MPP1: variants seen among roughly 807,000 people sequenced by gnomAD.
MPP1 encodes the protein MAGUK p55 scaffold protein 1.
Under a neutral mutation model 38.2 loss-of-function variants are expected in MPP1, and 6 were observed. That is an observed-to-expected ratio of 0.16 (90% CI 0.09 to 0.31). MPP1 has a LOEUF of 0.31. Ranked by LOEUF, MPP1 falls within the 10% of genes least tolerant of loss-of-function variation. The probability of loss-of-function intolerance (pLI) is 1.00; values close to 1 mark genes in which losing one functional copy is unlikely to be tolerated. For synonymous variants in MPP1, 153 were observed against 146.3 expected (o/e 1.05, Z -0.33); for missense variants, 293 against 368.9 (o/e 0.79, Z 1.69).
intron 5 of MPP1, among the ~76,000 whole-genome samples, chrX:154,788,511 T>C (rs2072105660): frequency 8.9e-6 from 1 of 111,954 alleles, no homozygotes; most frequent in South Asian, 3.7e-4. Flanking sequence ...ATGCTAAGTA[T>C]TGGTGAGAAT....
Position 154,791,070 on chromosome X carries a change from TGCC to T in MPP1, c.326-5_326-3del. 8.3e-7 allele frequency: 1 copy of T among 1,203,111 alleles called. No individual in the cohort carries two copies. The highest frequency in any genetic ancestry group is 1.1e-6 in the Non-Finnish European group (1 of 889,458). Reference sequence around the variant, plus strand: ...TCTCATCCCCCACGTGAAGGGAGCCTGCCATGAAATGAAAAATCAATCCACAAA... The same window carrying T: ...TCTCATCCCCCACGTGAAGGGAGCCTATGAAATGAAAAATCAATCCACAAA... On this transcript the variant is annotated splice_polypyrimidine_tract_variant and splice_region_variant and intron_variant, in intron 3 of 11. Transcript: ENST00000369534.
At chrX:154,786,529 C>A in intron 5 of MPP1, 129 bp from the exon 6 acceptor site, 1 of 588,163 alleles carries the variant, frequency 1.7e-6, no homozygotes, top group Admixed American at 3.1e-5. Flanking sequence ...GGTGGGGGAG[C>A]ACCCAAGAAA....
At chrX:154,782,932 A>G (rs1460369676) in intron 9 of MPP1, 1 of 112,426 alleles carries the variant, frequency 8.9e-6, no homozygotes, top group Non-Finnish European at 1.9e-5. Context: ...AGAGTTATCA[A>G]ATTCTCCACC....
At chrX:154,787,997 T>C (rs781887077) in intron 5 of MPP1, among the ~76,000 whole-genome samples, 28 of 112,584 alleles carry the variant, frequency 2.5e-4, no homozygotes, top group Non-Finnish European at 3.8e-4. Context: ...TTGGTATCCA[T>C]ATGGAAAAAC....
intron 1 of MPP1, chrX:154,804,606 C>G (rs1465705092): frequency 2.0e-5 from 6 of 305,877 alleles, no homozygotes; most frequent in Non-Finnish European, 2.6e-5. Context: ...TGGGCCCAAT[C>G]AAAACGAAAT....
At chrX:154,790,891 A>T in intron 4 of MPP1, 92 bp downstream of exon 4, 1 of 768,479 alleles carries the variant, frequency 1.3e-6, no homozygotes, top group Non-Finnish European at 1.9e-6. Flanking sequence ...AGGTACAAAT[A>T]CTTTGACAGA....
chrX:154,798,207 G>T (rs1355145504), intron 1 of MPP1, among the ~76,000 whole-genome samples: 1 of 112,088 alleles, frequency 8.9e-6, no homozygotes, highest in Non-Finnish European at 1.9e-5. Flanking sequence ...ATAGAAAATA[G>T]TTGAACACTT....
chrX:154,781,546 G>T, intron 10 of MPP1, 54 bp downstream of exon 10: 1 of 1,147,440 alleles, frequency 8.7e-7, no homozygotes, highest in Non-Finnish European at 1.2e-6. Flanking sequence ...CACTGTCTTC[G>T]CCATCCCTTG....
chrX:154,797,449 C>G (rs909511993), intron 1 of MPP1, among the ~76,000 whole-genome samples: 2 of 112,027 alleles, frequency 1.8e-5, no homozygotes, highest in African/African-American at 6.5e-5. Flanking sequence ...TCAGTAAAGA[C>G]TATGTGGTAT....
chrX:154,804,801 T>C (rs1443781636), intron 1 of MPP1: 1 of 341,426 alleles, frequency 2.9e-6, no homozygotes, highest in Non-Finnish European at 5.9e-6. Context: ...GGCCACCCTC[T>C]TTGCACCATA....
intron 7 of MPP1, 92 bp downstream of exon 7, chrX:154,784,959 C>T: frequency 9.8e-6 from 8 of 813,151 alleles, no homozygotes; most frequent in Non-Finnish European, 1.5e-5. Context: ...CTGCTGCGCA[C>T]TGCACCACCT....
Position 154,805,360 on chromosome X carries a change from G to T in MPP1, c.14C>A (p.Ala5Glu). ...GCTGCCCCCACTCTCGCCCTCGCTC[G>T]CCTTGAGGGTCATCTCGCAGAAGCT... MTLK[A>E]SEGESGGSMH... The change falls in exon 1 of 12, where the codon GCG becomes GAG. Residue 5 changes from alanine to glutamate, a missense_variant. Coordinates refer to ENST00000369534, the MANE Select transcript of MPP1 (RefSeq NM_002436.4). The T allele has an allele frequency of 1.7e-6, 2 of 1,199,459 alleles. No homozygotes were observed. The highest frequency in any genetic ancestry group is 2.3e-6 in the Non-Finnish European group (2 of 888,453).
intron 7 of MPP1, chrX:154,784,658 C>T (rs1454493693): frequency 7.8e-6 from 2 of 257,901 alleles, no homozygotes; most frequent in Non-Finnish European, 1.4e-5. Context: ...GAATTCTCTG[C>T]TCAAAACCCT....
At chrX:154,796,110 T>C (rs1314622982) in intron 1 of MPP1, among the ~76,000 whole-genome samples, 1 of 105,145 alleles carries the variant, frequency 9.5e-6, no homozygotes. Flanking sequence ...TTTCTCTTTG[T>C]TTTTTTTCCT....
At chrX:154,784,828 A>G (rs1248171412) in intron 7 of MPP1, 1 of 466,776 alleles carries the variant, frequency 2.1e-6, no homozygotes, top group Non-Finnish European at 3.9e-6. Flanking sequence ...GGTGATGAGC[A>G]GGTGTGGGCT....
At chrX:154,781,840 T>G (rs781842332) in intron 9 of MPP1, 38 bp from the exon 10 acceptor site, 3 of 1,159,703 alleles carry the variant, frequency 2.6e-6, no homozygotes, top group African/African-American at 1.8e-5. Context: ...AAACTCCAGG[T>G]CCTCACCCTT....
At chrX:154,781,363 GA>G in intron 10 of MPP1, 50 bp from the exon 11 acceptor site, 1 of 973,365 alleles carries the variant, frequency 1.0e-6, no homozygotes, top group Non-Finnish European at 1.4e-6. Context: ...GGAAGAAAAG[GA>G]AAGTGAAAAA....
Position 154,778,816 on chromosome X carries a change from CAAATG to C in MPP1, c.*356_*360del, listed in dbSNP as rs1280371657. The C allele has an allele frequency of 1.1e-5, 2 of 182,211 alleles. No individual in the cohort carries two copies. Among genetic ancestry groups the C allele is most frequent in the African/African-American group, 5.9e-5 (2 of 33,690 alleles). 15.0% of individuals were successfully genotyped at this position (182,211 alleles called of 1,213,427 possible). ...AAACGCTTTCTCCAAAATAAAAAGA[CAAATG>C]AAATACCCAGCATATACAGTTGAAG... On this transcript the variant is annotated 3_prime_UTR_variant, in exon 12 of 12. Coordinates refer to ENST00000369534, the MANE Select transcript of MPP1 (RefSeq NM_002436.4).
At chrX:154,801,965 G>A (rs2072272530) in intron 1 of MPP1, among the ~76,000 whole-genome samples, 1 of 110,419 alleles carries the variant, frequency 9.1e-6, no homozygotes, top group Admixed American at 9.6e-5. Context: ...CATTTCCTTT[G>A]CAAAGGAAAC....
Sources: allele counts gnomAD v4.1 joint callset (sites outside exome capture counted in the v4.1 genomes callset), GRCh38; gene constraint gnomAD v4.1.1; transcripts MANE v1.5; gene names NCBI Gene and HGNC (gene_info 2026-07-23, HGNC 2026-07-21).